SPATA4: variants seen among roughly 807,000 people sequenced by gnomAD.
SPATA4 encodes the protein spermatogenesis associated 4.
SPATA4 carries 35 observed loss-of-function variants against 31.8 expected under a neutral mutation model. The ratio of observed to expected loss-of-function variants is 1.10; its 90% CI spans 0.84 to 1.46. SPATA4 has a LOEUF of 1.46. Among genes scored for constraint, SPATA4 ranks in the 40% most tolerant of loss-of-function variants. The probability of loss-of-function intolerance (pLI) is 0.00; values close to 1 mark genes in which losing one functional copy is unlikely to be tolerated. For missense variants in SPATA4, 394 were observed against 363.1 expected (o/e 1.09, Z -0.69); for synonymous variants, 126 against 132.4 (o/e 0.95, Z 0.33).
At chr4:176,185,544 T>C (rs1277820696) in intron 5 of SPATA4, among the ~76,000 whole-genome samples, 1 of 152,202 alleles carries the variant, frequency 6.6e-6, no homozygotes, top group East Asian at 1.9e-4. Context: ...ATATGAAATC[T>C]TAGATGGTAA....
At position 176,195,559 on chromosome 4, in the gene SPATA4, C is replaced by T; in HGVS notation, c.4G>A (p.Ala2Thr). The change falls in exon 1 of 6, where the codon GCT (alanine) becomes ACT (threonine). Residue 2 changes from alanine (A) to threonine (T), a missense_variant. Transcript: ENST00000280191. ...TACCCTTTTTCCTGGCCGGCGGCAG[C>T]CATGACGCTTTCTGGGTTGCTGCGG... Reference protein sequence around the residue: MAAAGQEKGYLT... With the variant: MTAAGQEKGYLT... 6.2e-7 allele frequency: 1 copy of T among 1,614,058 alleles called. No homozygotes were observed.
chr4:176,192,158 C>T (rs1315497220), intron 4 of SPATA4, among the ~76,000 whole-genome samples: 2 of 152,154 alleles, frequency 1.3e-5, no homozygotes, highest in Non-Finnish European at 2.9e-5. Flanking sequence ...TTCAGTGATA[C>T]GTCTGGAAAG....
Position 176,192,792 on chromosome 4 carries a change from G to T in SPATA4, c.523C>A (p.Arg175Ser). The change falls in exon 4 of 6, where the codon CGT becomes AGT. Residue 175 changes from arginine to serine, a missense_variant. Transcript: ENST00000280191. ...GTAGACCTGGAAACCAGGGGTAAAC[G>T]CATCTGGTAGCTATAGTCCGTGAAA... ...VNFTDYSYQM[R>S]LPLVSRSTVS... The T allele has an allele frequency of 6.2e-7, 1 of 1,614,044 alleles. No individual in the cohort carries two copies. Among genetic ancestry groups the T allele is most frequent in the Non-Finnish European group, 8.5e-7 (1 of 1,179,952 alleles).
At chr4:176,189,526 C>A (rs1415370131) in intron 4 of SPATA4, among the ~76,000 whole-genome samples, 1 of 151,398 alleles carries the variant, frequency 6.6e-6, no homozygotes, top group Non-Finnish European at 1.5e-5. Flanking sequence ...TTAATAAATT[C>A]ATAACAATAA....
intron 5 of SPATA4, among the ~76,000 whole-genome samples, chr4:176,186,487 G>T (rs937221620): frequency 3.9e-5 from 6 of 152,190 alleles, no homozygotes; most frequent in African/African-American, 7.2e-5. Context: ...ACAGAAGAAG[G>T]TTGAGGCAGG....
Position 176,195,556 on chromosome 4 carries a change from C to T in SPATA4, c.7G>A (p.Ala3Thr). MA[A>T]AGQEKGYLTQ... is the part of the protein sequence containing the mutation. ...AAATACCCTTTTTCCTGGCCGGCGGCAGCCATGACGCTTTCTGGGTTGCTG... is the reference window on the plus strand; with the variant it reads ...AAATACCCTTTTTCCTGGCCGGCGGTAGCCATGACGCTTTCTGGGTTGCTG... Residue 3 changes from alanine (A) to threonine (T), a missense_variant, in exon 1 of 6, where the codon GCC becomes ACC. Coordinates refer to ENST00000280191, the MANE Select transcript of SPATA4 (RefSeq NM_144644.4). The T allele has an allele frequency of 6.2e-7, 1 of 1,614,064 alleles. No homozygotes were observed. Among genetic ancestry groups the T allele is most frequent in the Non-Finnish European group, 8.5e-7 (1 of 1,179,994 alleles).
intron 4 of SPATA4, among the ~76,000 whole-genome samples, chr4:176,190,467 A>G (rs1359877790): frequency 6.6e-6 from 1 of 152,232 alleles, no homozygotes; most frequent in African/African-American, 2.4e-5. Context: ...CTCATGGTAC[A>G]GAAGTCTGTG....
chr4:176,187,718 T>C (rs1282342447), intron 5 of SPATA4, among the ~76,000 whole-genome samples: 5 of 152,210 alleles, frequency 3.3e-5, no homozygotes, highest in African/African-American at 1.2e-4. Context: ...CTTTCTGAAT[T>C]AACAGGGTTT....
intron 4 of SPATA4, 140 bp downstream of exon 4, chr4:176,192,487 C>T: frequency 1.5e-6 from 1 of 668,384 alleles, no homozygotes; most frequent in South Asian, 1.9e-5. Context: ...CATTTCACTG[C>T]TAGCATTAAA....
chr4:176,184,755 T>C lies in SPATA4; in HGVS notation c.*25A>G, dbSNP rs1438056201. 4 of 1,472,654 alleles carry C rather than the reference T, an allele frequency of 2.7e-6. No homozygotes were observed. In the African/African-American group the frequency reaches 5.6e-5, roughly 21 times the overall value. 91.2% of individuals were successfully genotyped at this position (1,472,654 alleles called of 1,614,324 possible). A position where few individuals can be genotyped will look rare whatever the true frequency, so the allele number is the denominator to read the frequency against. On this transcript the variant is annotated 3_prime_UTR_variant, in exon 6 of 6. Transcript: ENST00000280191. Reference sequence around the variant, plus strand: ...TGGCTAGAGATGGTGGCATCACTTCTTCAAAGCCATTTGACAGGTGCTTTT... The same window carrying C: ...TGGCTAGAGATGGTGGCATCACTTCCTCAAAGCCATTTGACAGGTGCTTTT...
intron 5 of SPATA4, among the ~76,000 whole-genome samples, chr4:176,185,426 AT>A (rs2126920691): frequency 1.3e-5 from 2 of 152,328 alleles, no homozygotes; most frequent in South Asian, 4.1e-4. Context: ...CTTGAGTGTT[AT>A]AAAAAGAAAA....
chr4:176,192,501 G>A, intron 4 of SPATA4, 126 bp downstream of exon 4: 1 of 712,092 alleles, frequency 1.4e-6, no homozygotes, highest in East Asian at 2.7e-5. Context: ...CATTAAAGAA[G>A]TAATTTCCCT....
At chr4:176,187,298 T>G (rs1309458457) in intron 5 of SPATA4, among the ~76,000 whole-genome samples, 2 of 152,044 alleles carry the variant, frequency 1.3e-5, no homozygotes, top group Admixed American at 1.3e-4. Flanking sequence ...TCATAGCATT[T>G]TTATGTGTCA....
At chr4:176,192,549 C>T (rs1326740031) in intron 4 of SPATA4, 78 bp downstream of exon 4, 14 of 1,238,972 alleles carry the variant, frequency 1.1e-5, no homozygotes, top group Non-Finnish European at 1.6e-5. Context: ...TGGGCCAGTG[C>T]CGACATTTCT....
intron 4 of SPATA4, among the ~76,000 whole-genome samples, chr4:176,189,835 C>T (rs1752499930): frequency 6.6e-6 from 1 of 152,162 alleles, no homozygotes; most frequent in Non-Finnish European, 1.5e-5. Flanking sequence ...GCAGACAAAA[C>T]CCCTCAGACA....
In SPATA4 at chr4:176,184,703, A is replaced by G; in HGVS notation, c.*77T>C. Reference sequence around the variant, plus strand: ...TCTATTTATTATTGAAATACATCCAATACTAGGTGATTCTGTTTCTTTATT... The same window carrying G: ...TCTATTTATTATTGAAATACATCCAGTACTAGGTGATTCTGTTTCTTTATT... On this transcript the variant is annotated 3_prime_UTR_variant, in exon 6 of 6. Transcript: ENST00000280191. 1.3e-6 allele frequency: 1 copy of G among 742,318 alleles called. No homozygotes were observed. Among genetic ancestry groups the G allele is most frequent in the South Asian group, 2.3e-5 (1 of 44,382 alleles). 46.0% of individuals were successfully genotyped at this position (742,318 alleles called of 1,614,324 possible).
In SPATA4 at chr4:176,188,161, A is replaced by G. The variant is rs776836287; in HGVS notation, c.763T>C (p.Tyr255His). The change falls in exon 5 of 6, where the codon TAT becomes CAT. Residue 255 changes from tyrosine (Y) to histidine (H), a missense_variant. Physicochemically the swap from Tyr to His is moderately conservative, Grantham distance 83 (BLOSUM62 2). Transcript: ENST00000280191. The stretch of plus-strand genomic sequence containing the variant: ...CTTCCTCTTTTAACTTTTAAATTAT[A>G]TCTGCGCCCAGAGGCTTGGGCAGGA... Reference protein sequence around the residue: ...HLPAQASGRRYNLKVKRGRVV... With the variant: ...HLPAQASGRRHNLKVKRGRVV... 24 of 1,613,810 alleles carry G rather than the reference A, an allele frequency of 1.5e-5. No homozygotes were observed. The South Asian group carries it at 2.3e-4, about 16-fold the overall frequency.
chr4:176,186,817 A>C (rs1752448253), intron 5 of SPATA4, among the ~76,000 whole-genome samples: 1 of 149,726 alleles, frequency 6.7e-6, no homozygotes, highest in East Asian at 1.9e-4. Flanking sequence ...AAAGGTTCTG[A>C]GAAATCATGG....
chr4:176,194,038 T>A (rs1270395358), intron 1 of SPATA4: 1 of 156,284 alleles, frequency 6.4e-6, no homozygotes, highest in African/African-American at 2.4e-5. Context: ...GGCAGTCTGA[T>A]GAAACCTCCC....
Sources: allele counts gnomAD v4.1 joint callset (sites outside exome capture counted in the v4.1 genomes callset), GRCh38; gene constraint gnomAD v4.1.1; transcripts MANE v1.5; gene names NCBI Gene and HGNC (gene_info 2026-07-23, HGNC 2026-07-21).